The following PCDH11Y variants were observed in gnomAD, a reference collection of about 807,000 sequenced individuals.
The protein encoded by PCDH11Y is protocadherin-11 Y-linked.
For synonymous variants in PCDH11Y, 9 were observed against 83.6 expected (o/e 0.11, Z 4.87); for missense variants, 12 against 224.8 (o/e 0.05, Z 6.05).
intron 2 of PCDH11Y, among the ~76,000 whole-genome samples, chrY:5,229,736 T>A: frequency 3.1e-5 from 1 of 32,289 alleles, no homozygotes; most frequent in Admixed American, 2.9e-4. Flanking sequence ...CATTTAATGT[T>A]ACTATTGATA....
chrY:5,620,124 G>GA (rs2053498073), intron 4 of PCDH11Y, among the ~76,000 whole-genome samples: 6 of 31,505 alleles, frequency 1.9e-4, no homozygotes, highest in African/African-American at 3.7e-4. Flanking sequence ...CTATTTTTTT[G>GA]AAAAAAATAA....
At chrY:5,190,303 A>G (rs2052910948) in intron 2 of PCDH11Y, among the ~76,000 whole-genome samples, 1 of 33,922 alleles carries the variant, frequency 2.9e-5, no homozygotes, top group South Asian at 6.4e-4. Context: ...CCAGCTTAAG[A>G]TGAATTGACT....
At chrY:5,278,151 C>CT (rs1261266115) in intron 2 of PCDH11Y, among the ~76,000 whole-genome samples, 11 of 21,529 alleles carry the variant, frequency 5.1e-4, no homozygotes, top group Non-Finnish European at 7.6e-4. Context: ...TGAACTGAGT[C>CT]TTTTTTTTTT....
At chrY:5,721,757 C>A (rs2053594917) in intron 4 of PCDH11Y, among the ~76,000 whole-genome samples, 1 of 26,965 alleles carries the variant, frequency 3.7e-5, no homozygotes, top group Non-Finnish European at 9.2e-5. Context: ...ATATAGACTT[C>A]GCCAAATATT....
At chrY:5,511,126 T>C in intron 3 of PCDH11Y, among the ~76,000 whole-genome samples, 1 of 32,735 alleles carries the variant, frequency 3.1e-5, no homozygotes, top group Non-Finnish European at 7.4e-5. Context: ...TCAGATAATC[T>C]TCTATAAAAG....
intron 2 of PCDH11Y, among the ~76,000 whole-genome samples, chrY:5,399,380 ATTG>A (rs2053230043): frequency 1.6e-4 from 5 of 30,785 alleles, no homozygotes; most frequent in Admixed American, 1.2e-3. Context: ...CCAGTTTATT[ATTG>A]TTATTATTGT....
chrY:5,537,946 G>T (rs2053402061), intron 3 of PCDH11Y, among the ~76,000 whole-genome samples: 1 of 33,161 alleles, frequency 3.0e-5, no homozygotes, highest in African/African-American at 1.2e-4. Context: ...GGGCTATACT[G>T]GGCTTACTAC....
intron 2 of PCDH11Y, among the ~76,000 whole-genome samples, chrY:5,443,180 G>A: frequency 3.1e-5 from 1 of 32,501 alleles, no homozygotes; most frequent in Non-Finnish European, 7.6e-5. Flanking sequence ...TGAATATTTG[G>A]TGAGTCAAAT....
chrY:5,655,500 T>G, intron 4 of PCDH11Y, among the ~76,000 whole-genome samples: 2 of 32,671 alleles, frequency 6.1e-5, no homozygotes, highest in African/African-American at 2.4e-4. Context: ...ACAGGCGATT[T>G]TATCTGCCAG....
intron 2 of PCDH11Y, among the ~76,000 whole-genome samples, chrY:5,224,383 C>G: frequency 3.4e-5 from 1 of 29,640 alleles, no homozygotes; most frequent in African/African-American, 1.3e-4. Context: ...AACTGTATGT[C>G]CCTGGATTAA....
intron 2 of PCDH11Y, among the ~76,000 whole-genome samples, chrY:5,450,386 A>G (rs2053292248): frequency 3.0e-5 from 1 of 33,181 alleles, no homozygotes; most frequent in Admixed American, 2.8e-4. Context: ...TTCACACACA[A>G]AATTATTCTG....
intron 2 of PCDH11Y, among the ~76,000 whole-genome samples, chrY:5,322,230 A>C: frequency 3.1e-5 from 1 of 31,961 alleles, no homozygotes; most frequent in Non-Finnish European, 7.6e-5. Flanking sequence ...GAATTTCAAT[A>C]TATGAATCCT....
At chrY:5,736,336 G>T (rs2053609434) in intron 4 of PCDH11Y, among the ~76,000 whole-genome samples, 1 of 33,005 alleles carries the variant, frequency 3.0e-5, no homozygotes, top group Non-Finnish European at 7.5e-5. Context: ...AAGGAGTATT[G>T]TAGTCTCCAA....
chrY:5,302,195 AAGGAAGGAAGGG>A (rs2053083296), intron 2 of PCDH11Y, among the ~76,000 whole-genome samples: 1 of 17,801 alleles, frequency 5.6e-5, no homozygotes, highest in Non-Finnish European at 1.1e-4. Flanking sequence ...TTCAAAAAAG[AAGGAAGGAAGGG>A]AGGAAGGAAG....
chrY:5,351,293 G>A, intron 2 of PCDH11Y, among the ~76,000 whole-genome samples: 1 of 26,080 alleles, frequency 3.8e-5, no homozygotes, highest in Non-Finnish European at 8.8e-5. Context: ...AGATATGTGG[G>A]GAGTGTGTGT....
intron 2 of PCDH11Y, among the ~76,000 whole-genome samples, chrY:5,385,985 T>C (rs2053214597): frequency 3.6e-4 from 12 of 33,693 alleles, no homozygotes; most frequent in African/African-American, 1.4e-3. Flanking sequence ...TATGTTTTAA[T>C]GTGTTTCCAG....
At chrY:5,397,443 T>C in intron 2 of PCDH11Y, among the ~76,000 whole-genome samples, 1 of 32,258 alleles carries the variant, frequency 3.1e-5, no homozygotes, top group Admixed American at 3.0e-4. Flanking sequence ...TCTTGCTTGA[T>C]TGTCCTAGCT....
chrY:5,604,995 T>C, intron 4 of PCDH11Y, among the ~76,000 whole-genome samples: 1 of 33,128 alleles, frequency 3.0e-5, no homozygotes, highest in Non-Finnish European at 7.5e-5. Context: ...TTTCTATGTT[T>C]GGCTTATTTC....
At chrY:5,480,033 C>T in intron 2 of PCDH11Y, among the ~76,000 whole-genome samples, 1 of 32,395 alleles carries the variant, frequency 3.1e-5, no homozygotes, top group Non-Finnish European at 7.5e-5. Flanking sequence ...CTACTTCTGT[C>T]AATTTGTCAG....
Sources: gnomAD v4.1 joint callset for allele counts (sites outside exome capture counted in the v4.1 genomes callset) on GRCh38, gnomAD v4.1.1 for gene constraint, MANE v1.5 for transcripts, NCBI Gene and HGNC (gene_info 2026-07-23, HGNC 2026-07-21) for gene names.